ATG7: variants seen among roughly 807,000 people sequenced by gnomAD.
The protein encoded by ATG7 is autophagy related 7.
In ATG7, 70 loss-of-function variants were observed where a neutral mutation model predicts 82.4. That is an observed-to-expected ratio of 0.85 (90% CI 0.70 to 1.04). ATG7 has a LOEUF of 1.04. Ranked by LOEUF, ATG7 falls within the 50% of genes least tolerant of loss-of-function variation. The pLI, the probability that ATG7 is intolerant of heterozygous loss-of-function variation, is 0.00. For synonymous variants in ATG7, 287 were observed against 313.0 expected, an observed-to-expected ratio of 0.92 and a Z score of 0.88; for missense variants, 792 against 864.3, an observed-to-expected ratio of 0.92 and a Z score of 1.05.
Position 11,442,739 on chromosome 3 carries a change from CAAA to C in ATG7, c.2079+15843_2079+15845del, listed in dbSNP as rs57073881. On this transcript the variant is annotated intron_variant, in intron 20 of 20. Coordinates refer to ENST00000693202, the MANE Select transcript of ATG7 (RefSeq NM_001349232.2). ...GCAGCATAGTGAGACTCCATCTCTA[CAAA>C]AAAAAAAAAAAAAAAAAAAAAAAAA... Among the ~76,000 whole-genome samples the C allele has an allele frequency of 5.2e-4, 36 of 69,248 alleles. 1 individual carries two copies. Among genetic ancestry groups the C allele is most frequent in the South Asian group, 6.7e-4 (1 of 1,484 alleles). The allele number at this position is 69,248 out of a possible 152,430, so 45.4% of individuals were successfully genotyped here.
chr3:11,572,891 G>A, the ATG7 span, among the ~76,000 whole-genome samples: 1 of 152,148 alleles, frequency 6.6e-6, no homozygotes, highest in Admixed American at 6.5e-5. Flanking sequence ...CCGTAGGCCA[G>A]GCGCAGTGGC....
intron 20 of ATG7, among the ~76,000 whole-genome samples, chr3:11,440,909 C>T (rs1259698367): frequency 6.6e-6 from 1 of 151,780 alleles, no homozygotes; most frequent in Non-Finnish European, 1.5e-5. Flanking sequence ...GTCTCAAACT[C>T]CTGACCTCAG....
At chr3:11,279,900 G>T (rs1253499782) in intron 1 of ATG7, among the ~76,000 whole-genome samples, 1 of 149,978 alleles carries the variant, frequency 6.7e-6, no homozygotes, top group African/African-American at 2.4e-5. Flanking sequence ...GTCTGTTTTG[G>T]CTTCAAAATT....
At chr3:11,389,574 C>T (rs2078620762) in intron 19 of ATG7, among the ~76,000 whole-genome samples, 4 of 152,024 alleles carry the variant, frequency 2.6e-5, no homozygotes, top group African/African-American at 9.7e-5. Flanking sequence ...AAAATACCGC[C>T]TGTGTGGGCC....
chr3:11,457,162 G>A (rs2085815226), intron 20 of ATG7, among the ~76,000 whole-genome samples: 1 of 152,142 alleles, frequency 6.6e-6, no homozygotes, highest in Admixed American at 6.5e-5. Flanking sequence ...TTACCCAAAT[G>A]AGCGGAAAGA....
intron 20 of ATG7, among the ~76,000 whole-genome samples, chr3:11,436,121 T>C (rs1036289947): frequency 5.5e-4 from 83 of 152,114 alleles, no homozygotes; most frequent in African/African-American, 1.9e-3. Context: ...AACTTAATAA[T>C]ATAAAGATAC....
chr3:11,357,689 G>A (rs576783612), intron 14 of ATG7, among the ~76,000 whole-genome samples: 8 of 152,256 alleles, frequency 5.3e-5, no homozygotes, highest in Non-Finnish European at 1.2e-4. Context: ...CAATTTGGAA[G>A]CAAATAGGAA....
chr3:11,569,362 T>C, the ATG7 span, among the ~76,000 whole-genome samples: 1 of 152,206 alleles, frequency 6.6e-6, no homozygotes, highest in Non-Finnish European at 1.5e-5. Context: ...CAAAGGCCCC[T>C]GAGCACCATG....
At chr3:11,298,586 C>A in intron 3 of ATG7, 100 bp from the exon 4 acceptor site, 3 of 1,229,532 alleles carry the variant, frequency 2.4e-6, no homozygotes, top group South Asian at 1.5e-5. Flanking sequence ...CATCTCATTA[C>A]TTTTTGTTTG....
At chr3:11,573,447 A>G in the ATG7 span, among the ~76,000 whole-genome samples, 2 of 152,172 alleles carry the variant, frequency 1.3e-5, no homozygotes, top group Non-Finnish European at 2.9e-5. Context: ...GGTGCTGGGG[A>G]CAGGGCTTCT....
chr3:11,542,951 G>A (rs1456707027), intron 20 of ATG7, among the ~76,000 whole-genome samples: 2 of 152,164 alleles, frequency 1.3e-5, no homozygotes, highest in Non-Finnish European at 2.9e-5. Flanking sequence ...GGGGGAGTGG[G>A]GAGGATTTGG....
At chr3:11,341,184 C>T (rs1185024630) in intron 12 of ATG7, among the ~76,000 whole-genome samples, 1 of 151,960 alleles carries the variant, frequency 6.6e-6, no homozygotes. Flanking sequence ...GCCTCAGCCT[C>T]CTGAGTAGCT....
the ATG7 span, among the ~76,000 whole-genome samples, chr3:11,575,290 G>T: frequency 1.3e-5 from 2 of 152,246 alleles, no homozygotes; most frequent in African/African-American, 4.8e-5. Flanking sequence ...TCTCCTGTCA[G>T]TGTGGACTCT....
intron 11 of ATG7, among the ~76,000 whole-genome samples, chr3:11,335,660 A>C (rs538255310): frequency 2.0e-5 from 3 of 151,660 alleles, no homozygotes; most frequent in Non-Finnish European, 4.4e-5. Context: ...CTTACATCCT[A>C]CTCTCTATGA....
chr3:11,497,771 A>G (rs867022171), intron 20 of ATG7, among the ~76,000 whole-genome samples: 2 of 152,026 alleles, frequency 1.3e-5, no homozygotes, highest in African/African-American at 4.8e-5. Flanking sequence ...GTCTCTGCCA[A>G]TATTCCCATC....
chr3:11,451,832 TC>T lies in ATG7; in HGVS notation c.2079+24907del, dbSNP rs1234984097. Among the ~76,000 whole-genome samples, 611 of 148,114 alleles carry T rather than the reference TC, an allele frequency of 4.1e-3. 8 individuals are homozygous for T. The highest frequency in any genetic ancestry group is 0.015 in the African/African-American group (585 of 40,046). The stretch of plus-strand genomic sequence containing the variant: ...AAAAAACCCCAGGCTGCCCTGTCTC[TC>T]TCTATCTCTCTCTCTATATATATAT... On this transcript the variant is annotated intron_variant, in intron 20 of 20. Transcript: ENST00000693202.
At chr3:11,565,640 C>A in the ATG7 span, among the ~76,000 whole-genome samples, 1 of 152,172 alleles carries the variant, frequency 6.6e-6, no homozygotes, top group South Asian at 2.1e-4. The surrounding 1 kb of genome is among the most constrained non-coding windows in gnomAD (Gnocchi z 4.1). Context: ...CTGTAGGGAG[C>A]CGGCGCGCAG....
intron 19 of ATG7, among the ~76,000 whole-genome samples, chr3:11,417,807 T>TATTATTA (rs768786787): frequency 8.0e-6 from 1 of 125,058 alleles, no homozygotes; most frequent in African/African-American, 3.0e-5. Context: ...ATTATTTTAT[T>TATTATTA]TTATTTTATT....
At chr3:11,368,368 A>G (rs933153734) in intron 18 of ATG7, among the ~76,000 whole-genome samples, 1 of 152,114 alleles carries the variant, frequency 6.6e-6, no homozygotes, top group Non-Finnish European at 1.5e-5. Context: ...CAGGATTTAT[A>G]AAATGTACAG....
Sources: allele counts gnomAD v4.1 joint callset (sites outside exome capture counted in the v4.1 genomes callset), GRCh38; gene constraint gnomAD v4.1.1; non-coding constraint Gnocchi (gnomAD v3.1); transcripts MANE v1.5; gene names NCBI Gene and HGNC (gene_info 2026-07-23, HGNC 2026-07-21).